The following CCDC7 variants were observed in gnomAD, a reference collection of about 807,000 sequenced individuals.
CCDC7 encodes coiled-coil domain-containing protein 7.
Under a neutral mutation model 196.9 loss-of-function variants are expected in CCDC7, and 183 were observed. That is an observed-to-expected ratio of 0.93 (90% CI 0.82 to 1.05). CCDC7 has a LOEUF of 1.05. Ranked by LOEUF, CCDC7 falls within the 50% of genes least tolerant of loss-of-function variation. The pLI, the probability that CCDC7 is intolerant of heterozygous loss-of-function variation, is 0.00. For missense variants in CCDC7, 1,540 were observed against 1,482.2 expected (o/e 1.04, Z -0.64); for synonymous variants, 525 against 484.6 (o/e 1.08, Z -1.10).
rs372913073 is a variant in CCDC7, at chr10:32,869,777, A to G, written c.4112-6570A>G. ...GGAAGGGATCCAGTTTCAGCTTTCT[A>G]CATATAGCTAGCCAGCACCATTTAT... On this transcript the variant is annotated intron_variant, in intron 41 of 41. Transcript: ENST00000639629. 1.8e-4 allele frequency among the ~76,000 whole-genome samples: 27 copies of G among 149,212 alleles called. No homozygotes were observed. The East Asian group carries it at 3.1e-3, about 17-fold the overall frequency.
intron 8 of CCDC7, among the ~76,000 whole-genome samples, chr10:32,479,855 G>C (rs1471838900): frequency 4.0e-5 from 6 of 150,862 alleles, no homozygotes; most frequent in African/African-American, 1.5e-4. Flanking sequence ...TTTTTTTAGT[G>C]GGGGATTTTA....
chr10:32,491,335 A>G (rs1011578765), intron 8 of CCDC7, among the ~76,000 whole-genome samples: 11 of 152,158 alleles, frequency 7.2e-5, no homozygotes, highest in African/African-American at 2.7e-4. Context: ...TTTATGTCAC[A>G]AGATTGAAGA....
chr10:32,723,769 C>G (rs984825172), intron 25 of CCDC7, among the ~76,000 whole-genome samples: 2 of 152,094 alleles, frequency 1.3e-5, no homozygotes, highest in African/African-American at 4.8e-5. Flanking sequence ...ACCCAAGTCT[C>G]TAAGATCACT....
chr10:32,537,236 A>C (rs971128497), intron 11 of CCDC7, among the ~76,000 whole-genome samples: 1 of 152,112 alleles, frequency 6.6e-6, no homozygotes. Flanking sequence ...TTTGGTTTGC[A>C]CTTCTCTAAT....
intron 22 of CCDC7, among the ~76,000 whole-genome samples, chr10:32,688,343 T>C (rs2076702925): frequency 6.6e-6 from 1 of 152,166 alleles, no homozygotes; most frequent in Non-Finnish European, 1.5e-5. Context: ...CAGGGACATA[T>C]TTAGAGTTAA....
In CCDC7 at chr10:32,462,925, A is replaced by G. The variant is rs1033460330; in HGVS notation, c.478-92A>G. Reference sequence around the variant, plus strand: ...ATATTTGATGGATGAAGATTCAGAGACACAGACACACATTTATATAGATAT... The same window carrying G: ...ATATTTGATGGATGAAGATTCAGAGGCACAGACACACATTTATATAGATAT... On this transcript the variant is annotated intron_variant, in intron 4 of 41. Transcript: ENST00000639629. 5 of 1,550,414 alleles carry G rather than the reference A, an allele frequency of 3.2e-6. No homozygotes were observed. The African/African-American group carries it at 5.5e-5, about 17-fold the overall frequency.
intron 29 of CCDC7, among the ~76,000 whole-genome samples, chr10:32,789,722 G>C (rs2082398790): frequency 1.3e-5 from 2 of 152,120 alleles, no homozygotes; most frequent in South Asian, 4.1e-4. Context: ...ATAGATTAAT[G>C]CTATTATCAC....
chr10:32,697,143 G>A (rs992197445), intron 24 of CCDC7, among the ~76,000 whole-genome samples: 3 of 152,170 alleles, frequency 2.0e-5, no homozygotes, highest in Non-Finnish European at 4.4e-5. Context: ...GGTCCCATGT[G>A]AGGCATGAAA....
At chr10:32,518,449 T>A in exon 11 of CCDC7, 1 of 1,606,480 alleles carries the variant, frequency 6.2e-7, no homozygotes, top group Non-Finnish European at 8.5e-7. Context: ...TTTTCAGTTG[T>A]TATCAGAAGA....
intron 24 of CCDC7, among the ~76,000 whole-genome samples, chr10:32,699,356 A>G (rs2078260132): frequency 1.3e-5 from 2 of 151,974 alleles, no homozygotes; most frequent in Admixed American, 6.6e-5. Context: ...TTCCAGCTTC[A>G]TCTATGTCCC....
chr10:32,519,685 T>C (rs1259092183), intron 11 of CCDC7, among the ~76,000 whole-genome samples: 1 of 152,042 alleles, frequency 6.6e-6, no homozygotes, highest in African/African-American at 2.4e-5. Context: ...TCATGGAAAA[T>C]TTGGTATCCT....
chr10:32,585,923 A>G (rs184075252), intron 18 of CCDC7, among the ~76,000 whole-genome samples: 103 of 152,220 alleles, frequency 6.8e-4, no homozygotes, highest in African/African-American at 2.2e-3. Context: ...TGGTATTTCT[A>G]GTTCTAGATC....
chr10:32,813,962 AT>A (rs1027114045), intron 30 of CCDC7, among the ~76,000 whole-genome samples: 69 of 151,398 alleles, frequency 4.6e-4, no homozygotes, highest in Non-Finnish European at 8.9e-4. Context: ...ATTTTCATTT[AT>A]TTTTTTCTTT....
At chr10:32,724,379 C>A (rs916087457) in intron 25 of CCDC7, among the ~76,000 whole-genome samples, 1 of 152,104 alleles carries the variant, frequency 6.6e-6, no homozygotes, top group Non-Finnish European at 1.5e-5. Context: ...AGAGAGAGAG[C>A]TGCCAGTTGT....
chr10:32,702,780 T>A (rs1261462877), intron 24 of CCDC7, among the ~76,000 whole-genome samples: 1 of 152,220 alleles, frequency 6.6e-6, no homozygotes, highest in African/African-American at 2.4e-5. Flanking sequence ...TGGCCTTCTT[T>A]GTCTCTTTTG....
chr10:32,790,861 G>A (rs1339987833), intron 29 of CCDC7, among the ~76,000 whole-genome samples: 1 of 152,124 alleles, frequency 6.6e-6, no homozygotes, highest in Non-Finnish European at 1.5e-5. Context: ...TACTTCAGTA[G>A]TTTTGCAAGA....
intron 13 of CCDC7, among the ~76,000 whole-genome samples, chr10:32,547,918 T>C (rs985042017): frequency 1.3e-5 from 2 of 152,118 alleles, no homozygotes; most frequent in African/African-American, 4.8e-5. Context: ...TGCACCATAT[T>C]TGTAGTCTTT....
intron 36 of CCDC7, 111 bp from the exon 38 acceptor site, chr10:32,846,265 T>C (rs2093288127): frequency 4.5e-6 from 3 of 673,144 alleles, no homozygotes; most frequent in Admixed American, 2.9e-5. Context: ...TAGTGTTACA[T>C]TGGTGAAATT....
At chr10:32,699,885 A>C (rs138313572) in intron 24 of CCDC7, among the ~76,000 whole-genome samples, 2,807 of 149,398 alleles carry the variant, frequency 0.019, 399 homozygotes, top group African/African-American at 0.06. Context: ...TCCTATGCCC[A>C]CTTGTTGATA....
Sources: allele counts gnomAD v4.1 joint callset (sites outside exome capture counted in the v4.1 genomes callset), GRCh38; gene constraint gnomAD v4.1.1; transcripts MANE v1.5; gene names NCBI Gene and HGNC (gene_info 2026-07-23, HGNC 2026-07-21).